The following HDAC9 variants were observed in gnomAD, a reference collection of about 807,000 sequenced individuals.
HDAC9 encodes the protein MEF-2 interacting transcription repressor (MITR) protein.
In HDAC9, 41 loss-of-function variants were observed where a neutral mutation model predicts 139.4. The observed-to-expected ratio is 0.29, with a 90% CI of 0.23 to 0.38. The LOEUF (loss-of-function observed/expected upper bound fraction) is 0.38, where lower values mean the gene tolerates loss of function less well. Among genes scored for constraint, HDAC9 ranks in the 10% least tolerant of loss-of-function variants. The pLI is 1.00. For synonymous variants in HDAC9, 517 were observed against 476.2 expected (o/e 1.09, Z -1.12); for missense variants, 1,147 against 1,297.0 (o/e 0.88, Z 1.78).
chr7:18,866,011 A>G (rs1241648193), intron 21 of HDAC9, among the ~76,000 whole-genome samples: 7 of 150,484 alleles, frequency 4.7e-5, no homozygotes, highest in Non-Finnish European at 8.9e-5. Context: ...GACATATAAG[A>G]TCATATAACT....
rs191413585 is a variant in HDAC9 at position 18,417,706 on chromosome 7, T to G, written c.-41-78556T>G. Among the ~76,000 whole-genome samples, 7 of 152,314 alleles carry G rather than the reference T, an allele frequency of 4.6e-5. No individual in the cohort carries two copies. In the East Asian group the frequency reaches 1.2e-3, roughly 25 times the overall value. ...ATACAGTTTCCATTATGAAGTTTTC[T>G]AGCATGGCTGGTAGGAACAGCATTC... On this transcript the variant is annotated intron_variant, in intron 1 of 3. Transcript: ENST00000413509.
At chr7:18,215,502 G>T (rs1452280712) in intron 2 of HDAC9, among the ~76,000 whole-genome samples, 1 of 152,150 alleles carries the variant, frequency 6.6e-6, no homozygotes, top group Non-Finnish European at 1.5e-5. Context: ...TGGGTAAATT[G>T]TTCCTCTTTT....
rs559361216 is a variant in HDAC9 at position 18,890,199 on chromosome 7, T to C, written c.2803+15603T>C. Among the ~76,000 whole-genome samples, 9 of 152,370 alleles carry C rather than the reference T, an allele frequency of 5.9e-5. 1 individual carries two copies. In the South Asian group the frequency reaches 1.9e-3, roughly 32 times the overall value. ...TAGCCAATATTAGATAGTCTTATCA[T>C]GTCCATGTGCCTCAAAAGAGCTCTG... On this transcript the variant is annotated intron_variant, in intron 22 of 25. Coordinates refer to ENST00000686413, the MANE Select transcript of HDAC9 (RefSeq NM_178425.4).
intron 24 of HDAC9, among the ~76,000 whole-genome samples, chr7:18,960,315 C>G (rs1251151904): frequency 1.3e-5 from 2 of 152,096 alleles, no homozygotes. Flanking sequence ...CTTGTCAGAA[C>G]TGTGCTTGAT....
chr7:18,799,679 A>T (rs557691737), intron 17 of HDAC9, among the ~76,000 whole-genome samples: 1 of 152,196 alleles, frequency 6.6e-6, no homozygotes, highest in Non-Finnish European at 1.5e-5. Context: ...AAATGTGAGC[A>T]GGCAGATGAA....
intron 19 of HDAC9, among the ~76,000 whole-genome samples, chr7:18,831,266 T>C (rs1457506980): frequency 6.6e-6 from 1 of 152,234 alleles, no homozygotes; most frequent in Non-Finnish European, 1.5e-5. Flanking sequence ...AAGTAGTGAA[T>C]TGTACAAGAG....
At chr7:18,722,568 A>G (rs977839828) in intron 12 of HDAC9, among the ~76,000 whole-genome samples, 3 of 152,200 alleles carry the variant, frequency 2.0e-5, no homozygotes, top group Non-Finnish European at 4.4e-5. Context: ...TCAGTTCCAG[A>G]GACAACAGAA....
chr7:18,821,674 C>T lies in HDAC9; in HGVS notation c.2323-7487C>T, dbSNP rs1443607880. Among the ~76,000 whole-genome samples, 2 of 152,190 alleles carry T rather than the reference C, an allele frequency of 1.3e-5. 1 individual carries two copies. Among genetic ancestry groups the T allele is most frequent in the Admixed American group, 1.3e-4 (2 of 15,282 alleles). On this transcript the variant is annotated intron_variant, in intron 17 of 25. Transcript: ENST00000686413. Reference sequence around the variant, plus strand: ...TTATCTGCAGACACTGACTGGATGTCCTACAGTTTAACTCAATTCTGACAC... The same window carrying T: ...TTATCTGCAGACACTGACTGGATGTTCTACAGTTTAACTCAATTCTGACAC...
chr7:18,786,519 A>G (rs1229674053), intron 16 of HDAC9, among the ~76,000 whole-genome samples: 2 of 93,138 alleles, frequency 2.1e-5, no homozygotes, highest in African/African-American at 6.7e-5. Flanking sequence ...TCTCTCATGT[A>G]CTTTTTGCTC....
chr7:18,603,569 A>G (rs940431990), intron 6 of HDAC9, among the ~76,000 whole-genome samples: 6 of 152,078 alleles, frequency 3.9e-5, no homozygotes, highest in African/African-American at 1.4e-4. Flanking sequence ...CAGGTACCTT[A>G]TAAAAGTGTA....
chr7:18,894,407 T>C, intron 22 of HDAC9, among the ~76,000 whole-genome samples: 1 of 152,034 alleles, frequency 6.6e-6, no homozygotes, highest in East Asian at 1.9e-4. Flanking sequence ...TGTAGCCCAA[T>C]GGAGGCAAGC....
intron 13 of HDAC9, among the ~76,000 whole-genome samples, chr7:18,732,904 T>TGTGCGTATGTGTATACACAC (rs1786393527): frequency 8.3e-6 from 1 of 120,844 alleles, no homozygotes; most frequent in Non-Finnish European, 1.7e-5. Flanking sequence ...CACACACACG[T>TGTGCGTATGTGTATACACAC]GTGCGTATGT....
Position 18,585,538 on chromosome 7 carries a change from TTGTC to T in HDAC9, c.264+20_264+23del. On this transcript the variant is annotated intron_variant, in intron 3 of 25. Coordinates refer to ENST00000686413, the MANE Select transcript of HDAC9 (RefSeq NM_178425.4). ...GCATATCAAGGTAGCAAATGCTTCT[TTGTC>T]TGTGACCTTACTCAGGAGTCTGCAC... 1 of 1,611,758 alleles carries T rather than the reference TTGTC, an allele frequency of 6.2e-7. No individual in the cohort carries two copies. Among genetic ancestry groups the T allele is most frequent in the Non-Finnish European group, 8.5e-7 (1 of 1,179,562 alleles).
intron 12 of HDAC9, among the ~76,000 whole-genome samples, chr7:18,717,721 A>G (rs1226307648): frequency 6.6e-6 from 1 of 151,964 alleles, no homozygotes; most frequent in Non-Finnish European, 1.5e-5. Flanking sequence ...TAAAATCACA[A>G]GGGATAAAAA....
At chr7:18,505,499 A>G (rs1426494312) in intron 2 of HDAC9, among the ~76,000 whole-genome samples, 1 of 152,216 alleles carries the variant, frequency 6.6e-6, no homozygotes, top group Non-Finnish European at 1.5e-5. Context: ...TTGAATATAT[A>G]TCTGTCCAAT....
chr7:18,476,725 A>G (rs978692513), intron 1 of HDAC9, among the ~76,000 whole-genome samples: 4 of 152,176 alleles, frequency 2.6e-5, no homozygotes, highest in East Asian at 1.9e-4. Flanking sequence ...CTAGAAGGCA[A>G]TAAACTTATC....
chr7:18,590,374 A>C lies in HDAC9; in HGVS notation c.303A>C (p.Glu101Asp), dbSNP rs760763967. Residue 101 changes from glutamate (E) to aspartate (D), a missense_variant, in exon 4 of 26, where the codon GAA becomes GAC. Glu to Asp is a conservative substitution (Grantham distance 45). This residue lies in a region of HDAC9 where 136 missense variants were observed against 183.5 expected (regional missense o/e 0.74). Transcript: ENST00000686413. ...TTCTAGCCATAAAACAGCAACAAGA[A>C]CTCCTAGAAAAGGAGCAGAAACTGG... ...QELLAIKQQQ[E>D]LLEKEQKLEQ... 1 of 1,612,036 alleles carries C rather than the reference A, an allele frequency of 6.2e-7. No homozygotes were observed. The highest frequency in any genetic ancestry group is 1.7e-5 in the Admixed American group (1 of 59,690).
At chr7:18,795,616 G>A (rs1792732144) in intron 17 of HDAC9, among the ~76,000 whole-genome samples, 1 of 152,196 alleles carries the variant, frequency 6.6e-6, no homozygotes, top group African/African-American at 2.4e-5. Flanking sequence ...AAGATAGGCA[G>A]AATCATAACA....
chr7:18,622,066 A>G (rs904418643), intron 6 of HDAC9, among the ~76,000 whole-genome samples: 1 of 152,216 alleles, frequency 6.6e-6, no homozygotes, highest in African/African-American at 2.4e-5. Context: ...TTTGGTTCCA[A>G]GTAACAAAAC....
Sources: allele counts gnomAD v4.1 joint callset (sites outside exome capture counted in the v4.1 genomes callset), GRCh38; gene constraint gnomAD v4.1.1; regional missense constraint gnomAD v4.1.1; transcripts MANE v1.5; gene names NCBI Gene and HGNC (gene_info 2026-07-23, HGNC 2026-07-21).